The following SLC25A37 variants were observed in gnomAD, a reference collection of about 807,000 sequenced individuals.
The protein encoded by SLC25A37 is solute carrier family 25 member 37.
SLC25A37 carries 17 observed loss-of-function variants against 31.0 expected under a neutral mutation model. The observed-to-expected ratio is 0.55, with a 90% CI of 0.38 to 0.82. The LOEUF (loss-of-function observed/expected upper bound fraction) is 0.82, where lower values mean the gene tolerates loss of function less well. Among genes scored for constraint, SLC25A37 ranks in the 40% least tolerant of loss-of-function variants. The probability of loss-of-function intolerance (pLI) is 0.00; values close to 1 mark genes in which losing one functional copy is unlikely to be tolerated. For missense variants in SLC25A37, 404 were observed against 465.8 expected, an observed-to-expected ratio of 0.87 and a Z score of 1.22; for synonymous variants, 222 against 193.0, an observed-to-expected ratio of 1.15 and a Z score of -1.24.
chr8:23,552,630 C>T (rs2117423619), intron 1 of SLC25A37, among the ~76,000 whole-genome samples: 1 of 152,316 alleles, frequency 6.6e-6, no homozygotes, highest in South Asian at 2.1e-4. Context: ...CCTATCCCAA[C>T]CCCTTCCCCA....
chr8:23,537,158 C>T (rs35195642), intron 1 of SLC25A37, among the ~76,000 whole-genome samples: 21,291 of 146,762 alleles, frequency 0.15, 1,813 homozygotes, highest in East Asian at 0.26. Context: ...ATTGGACCAC[C>T]GCACTCCAGC....
chr8:23,538,406 ACCAG>A (rs780647468), intron 1 of SLC25A37, among the ~76,000 whole-genome samples: 126 of 101,120 alleles, frequency 1.2e-3, no homozygotes, highest in Middle Eastern at 6.1e-3. Flanking sequence ...AAAAAAAAAA[ACCAG>A]AAAAAAAAAC....
In SLC25A37 at chr8:23,566,531, T is replaced by G. The variant is rs1053735815; in HGVS notation, c.439+195T>G. On this transcript the variant is annotated intron_variant, in intron 2 of 3. Coordinates refer to ENST00000519973, the MANE Select transcript of SLC25A37 (RefSeq NM_016612.4). ...ACGCGCGCGCACACACATGCTTTTT[T>G]CTGTTCCCCTCCGCTTTCTGAAGCC... 7 of 1,339,684 alleles carry G rather than the reference T, an allele frequency of 5.2e-6. No homozygotes were observed. In the African/African-American group the frequency reaches 1.1e-4, roughly 21 times the overall value. 83.0% of individuals were successfully genotyped at this position (1,339,684 alleles called of 1,614,324 possible). A position where few individuals can be genotyped will look rare whatever the true frequency, so the allele number is the denominator to read the frequency against.
intron 1 of SLC25A37, among the ~76,000 whole-genome samples, chr8:23,552,559 G>C (rs553285377): frequency 6.6e-6 from 1 of 152,150 alleles, no homozygotes; most frequent in Non-Finnish European, 1.5e-5. Flanking sequence ...CAGGCCACGT[G>C]CCCAGAAGGA....
At chr8:23,560,467 A>G (rs1254180909) in intron 1 of SLC25A37, among the ~76,000 whole-genome samples, 3 of 151,914 alleles carry the variant, frequency 2.0e-5, no homozygotes, top group Non-Finnish European at 4.4e-5. Context: ...TCCTGTTATC[A>G]TACACTTTCC....
At position 23,571,642 on chromosome 8, in the gene SLC25A37, G is replaced by A. The variant is rs1377878479; in HGVS notation, c.804G>A (p.Val268=). The A allele has an allele frequency of 6.2e-7, 1 of 1,613,952 alleles. No homozygotes were observed. The highest frequency in any genetic ancestry group is 1.7e-5 in the Admixed American group (1 of 60,024). The part of the protein sequence containing the change: ...CKTLLNTQEN[V]ALSLANISGR... ...CCCTTCTGAACACTCAGGAGAACGT[G>A]GCCCTCTCGCTGGCCAACATCAGCG... Residue 268 remains valine (V), a synonymous_variant, in exon 4 of 4, where the codon GTG becomes GTA. Coordinates refer to ENST00000519973, the MANE Select transcript of SLC25A37 (RefSeq NM_016612.4).
At position 23,571,365 on chromosome 8, in the gene SLC25A37, C is replaced by T. The variant is rs759896844; in HGVS notation, c.527C>T (p.Ser176Leu). Residue 176 changes from serine (S) to leucine (L), a missense_variant, in exon 4 of 4, where the codon TCG becomes TTG. By Grantham distance (145) the Ser-to-Leu change is moderately radical. Coordinates refer to ENST00000519973, the MANE Select transcript of SLC25A37 (RefSeq NM_016612.4). ...AAGCAGCGCTTGCAGATGTACAACT[C>T]GCAGCACCGGTCAGCAATCAGCTGC... is the stretch of plus-strand genomic sequence containing the variant. ...VVKQRLQMYN[S>L]QHRSAISCIR... 6.2e-7 allele frequency: 1 copy of T among 1,604,584 alleles called. No homozygotes were observed. Among genetic ancestry groups the T allele is most frequent in the Non-Finnish European group, 8.5e-7 (1 of 1,175,100 alleles).
intron 1 of SLC25A37, among the ~76,000 whole-genome samples, chr8:23,544,614 G>T (rs532341866): frequency 6.6e-6 from 1 of 152,126 alleles, no homozygotes; most frequent in South Asian, 2.1e-4. Flanking sequence ...GTTGGGAAAG[G>T]CCCCCCGAGG....
Position 23,529,030 on chromosome 8 carries a change from A to T in SLC25A37, c.28A>T (p.Ser10Cys). ...GGAGCTGCGCAGCGGGAGCGTGGGCAGCCAGGCGGTGGCGCGGAGGATGGA... is the reference window on the plus strand; with the variant it reads ...GGAGCTGCGCAGCGGGAGCGTGGGCTGCCAGGCGGTGGCGCGGAGGATGGA... MELRSGSVG[S>C]QAVARRMDGD... Residue 10 changes from serine to cysteine, a missense_variant, in exon 1 of 4, where the codon AGC becomes TGC. Ser to Cys is a moderately radical substitution (Grantham distance 112, BLOSUM62 -1). Coordinates refer to ENST00000519973, the MANE Select transcript of SLC25A37 (RefSeq NM_016612.4). This position sits in a 1 kb window ranked among gnomAD's most constrained non-coding sequence, Gnocchi z 4.1. The T allele has an allele frequency of 6.5e-7, 1 of 1,547,518 alleles. No individual in the cohort carries two copies. The highest frequency in any genetic ancestry group is 8.7e-7 in the Non-Finnish European group (1 of 1,147,766).
intron 1 of SLC25A37, among the ~76,000 whole-genome samples, chr8:23,546,109 C>T (rs143996902): frequency 6.7e-5 from 10 of 149,932 alleles, no homozygotes; most frequent in East Asian, 2.0e-4. Context: ...CACTCCAGGC[C>T]GGGCAACAAG....
chr8:23,558,643 T>C (rs1164460655), intron 1 of SLC25A37, among the ~76,000 whole-genome samples: 3 of 152,218 alleles, frequency 2.0e-5, no homozygotes, highest in African/African-American at 7.2e-5. Flanking sequence ...TGCTAGGAGT[T>C]TGTGGAGACA....
At chr8:23,562,351 A>C (rs1042624041) in intron 1 of SLC25A37, among the ~76,000 whole-genome samples, 3 of 152,180 alleles carry the variant, frequency 2.0e-5, no homozygotes, top group Non-Finnish European at 4.4e-5. Context: ...AAAAGGTCCA[A>C]ATTAAAGGTG....
In SLC25A37 at chr8:23,529,360, G is replaced by T; in HGVS notation, c.210+148G>T. On this transcript the variant is annotated intron_variant, in intron 1 of 3. Transcript: ENST00000519973. The surrounding 1 kb of genome is among the most constrained non-coding windows in gnomAD (Gnocchi z 4.1). The stretch of plus-strand genomic sequence containing the variant: ...GCTGGCCGGGGTCGCCCCAGGAGCA[G>T]CTGCGCGCAGCCTGGGCGCCGCGCC... The T allele has an allele frequency of 3.2e-6, 2 of 617,902 alleles. No homozygotes were observed. The highest frequency in any genetic ancestry group is 4.8e-6 in the Non-Finnish European group (2 of 415,578). 38.3% of individuals were successfully genotyped at this position (617,902 alleles called of 1,614,324 possible). A position where few individuals can be genotyped will look rare whatever the true frequency, so the allele number is the denominator to read the frequency against.
chr8:23,561,916 C>T (rs937804344), intron 1 of SLC25A37, among the ~76,000 whole-genome samples: 1 of 152,200 alleles, frequency 6.6e-6, no homozygotes, highest in Admixed American at 6.5e-5. Flanking sequence ...ACACTGGGGA[C>T]CGGAGAGATG....
intron 1 of SLC25A37, among the ~76,000 whole-genome samples, chr8:23,534,417 T>C (rs923048481): frequency 6.6e-6 from 1 of 152,210 alleles, no homozygotes; most frequent in African/African-American, 2.4e-5. Context: ...TGTCCTTACT[T>C]GTCAAATGGG....
In SLC25A37 at chr8:23,529,834, C is replaced by T. The variant is rs937362631; in HGVS notation, c.210+622C>T. Among the ~76,000 whole-genome samples, 1 of 152,116 alleles carries T rather than the reference C, an allele frequency of 6.6e-6. No individual in the cohort carries two copies. The highest frequency in any genetic ancestry group is 6.5e-5 in the Admixed American group (1 of 15,278). On this transcript the variant is annotated intron_variant, in intron 1 of 3. Transcript: ENST00000519973. This position sits in a 1 kb window ranked among gnomAD's most constrained non-coding sequence, Gnocchi z 4.1. ...TTTCTGAGGGTTCCTGCACTTCTTC[C>T]CCCGACTTTGGGTCGCCGAGCCGCC...
At chr8:23,538,007 A>C (rs1334377282) in intron 1 of SLC25A37, among the ~76,000 whole-genome samples, 2 of 152,096 alleles carry the variant, frequency 1.3e-5, no homozygotes, top group East Asian at 3.9e-4. Flanking sequence ...ACAAAGAAGT[A>C]TTCTGTGAAT....
chr8:23,532,445 C>G (rs536577606), intron 1 of SLC25A37, among the ~76,000 whole-genome samples: 2 of 152,256 alleles, frequency 1.3e-5, no homozygotes, highest in East Asian at 3.9e-4. Flanking sequence ...GGGGTGGATA[C>G]AAGAACCCCT....
At chr8:23,557,762 G>A (rs946003300) in intron 1 of SLC25A37, among the ~76,000 whole-genome samples, 1 of 152,216 alleles carries the variant, frequency 6.6e-6, no homozygotes, top group African/African-American at 2.4e-5. Flanking sequence ...TTTTACTGTG[G>A]TTTATTTAGT....
Sources: allele counts gnomAD v4.1 joint callset (sites outside exome capture counted in the v4.1 genomes callset), GRCh38; gene constraint gnomAD v4.1.1; non-coding constraint Gnocchi (gnomAD v3.1); transcripts MANE v1.5; gene names NCBI Gene and HGNC (gene_info 2026-07-23, HGNC 2026-07-21).